Variants in ZNF407 observed in about 807,000 individuals in gnomAD.
ZNF407 encodes zinc finger protein 407.
A neutral mutation model predicts 131.2 loss-of-function variants in ZNF407; 17 were observed. The observed-to-expected ratio is 0.13, with a 90% confidence interval of 0.09 to 0.19. The LOEUF (loss-of-function observed/expected upper bound fraction) is 0.19, where lower values mean the gene tolerates loss of function less well. Ranked by LOEUF, ZNF407 falls within the 10% of genes least tolerant of loss-of-function variation. ZNF407 has a pLI of 1.00. For missense variants in ZNF407, 2,681 were observed against 2,830.6 expected (o/e 0.95, Z 1.20); for synonymous variants, 1,156 against 1,062.0 (o/e 1.09, Z -1.72).
At chr18:74,998,188 T>G (rs1247664641) in intron 8 of ZNF407, among the ~76,000 whole-genome samples, 1 of 152,230 alleles carries the variant, frequency 6.6e-6, no homozygotes, top group Middle Eastern at 3.2e-3. Context: ...ATGTTTCTTG[T>G]CAATAAGATT....
At chr18:74,876,536 T>C (rs935483627) in intron 4 of ZNF407, among the ~76,000 whole-genome samples, 2 of 152,358 alleles carry the variant, frequency 1.3e-5, no homozygotes, top group African/African-American at 4.8e-5. Flanking sequence ...AATATTATAT[T>C]GTATAAGTAC....
At chr18:74,981,121 C>A (rs2122121563) in intron 8 of ZNF407, among the ~76,000 whole-genome samples, 1 of 152,316 alleles carries the variant, frequency 6.6e-6, no homozygotes, top group South Asian at 2.1e-4. Flanking sequence ...CATTCCTGTC[C>A]ATGGGGCTCT....
intron 3 of ZNF407, among the ~76,000 whole-genome samples, chr18:74,713,358 C>CTTTTTTTTTTTTT (rs5826345): frequency 1.2e-5 from 1 of 84,480 alleles, no homozygotes; most frequent in Non-Finnish European, 2.5e-5. Context: ...ATTTTAGCAT[C>CTTTTTTTTTTTTT]TTTTTTTTTT....
rs937867787 is a variant in ZNF407, at chr18:74,634,502, C to A, written c.3483C>A (p.Asp1161Glu). The part of the protein sequence containing the change: ...ETEEESNFNE[D>E]HSFCETFQQA... ...AAGAAGAATCTAATTTCAATGAAGA[C>A]CATTCCTTTTGTGAGACTTTCCAAC... The change falls in exon 2 of 9, where the codon GAC becomes GAA. Residue 1161 changes from aspartate (D) to glutamate (E), a missense_variant. Physicochemically the swap from Asp to Glu is conservative, Grantham distance 45 (BLOSUM62 2). Transcript: ENST00000299687. 6.2e-7 allele frequency: 1 copy of A among 1,613,826 alleles called. No individual in the cohort carries two copies. The highest frequency in any genetic ancestry group is 1.7e-5 in the Admixed American group (1 of 60,016).
chr18:74,761,302 T>C (rs1323925943), intron 3 of ZNF407, among the ~76,000 whole-genome samples: 1 of 152,190 alleles, frequency 6.6e-6, no homozygotes, highest in Non-Finnish European at 1.5e-5. Flanking sequence ...GACATTTTTA[T>C]ATTTTGTGTA....
At position 74,709,127 on chromosome 18, in the gene ZNF407, A is replaced by G. The variant is rs576205944; in HGVS notation, c.4802+68005A>G. Among the ~76,000 whole-genome samples the G allele has an allele frequency of 1.7e-3, 266 of 152,356 alleles. 1 individual carries two copies. Among genetic ancestry groups the G allele is most frequent in the South Asian group, 2.5e-3 (12 of 4,828 alleles). ...ATATATTCAAATTATGATTTCTTAT[A>G]TTTTGAAATGTTTTCCAGTAAAACA... is the stretch of plus-strand genomic sequence containing the variant. On this transcript the variant is annotated intron_variant, in intron 3 of 8. Transcript: ENST00000299687.
At position 74,632,473 on chromosome 18, in the gene ZNF407, G is replaced by C; in HGVS notation, c.1454G>C (p.Ser485Thr). The change falls in exon 2 of 9, where the codon AGT (serine) becomes ACT (threonine). Residue 485 changes from serine (S) to threonine (T), a missense_variant. Transcript: ENST00000299687. ...SVLKHLEACSSVQRVCVTTSE... is the reference protein window; with the variant it reads ...SVLKHLEACSTVQRVCVTTSE... ...CTGAAACACCTGGAAGCGTGCAGCA[G>C]TGTGCAGAGAGTGTGTGTGACTACC... 1.2e-6 allele frequency: 2 copies of C among 1,614,066 alleles called. No individual in the cohort carries two copies. The highest frequency in any genetic ancestry group is 2.2e-5 in the South Asian group (2 of 91,090).
In ZNF407 at chr18:75,064,385, G is replaced by C; in HGVS notation, c.6664G>C (p.Val2222Leu). The C allele has an allele frequency of 6.4e-7, 1 of 1,569,174 alleles. No homozygotes were observed. The highest frequency in any genetic ancestry group is 1.2e-5 in the South Asian group (1 of 85,368). Reference sequence around the variant, plus strand: ...AAGCAGGGCAGAGCAGCTGGCCAGCGTGGTCATCTACACCCAGGAGGGCTC... The same window carrying C: ...AAGCAGGGCAGAGCAGCTGGCCAGCCTGGTCATCTACACCCAGGAGGGCTC... Reference protein sequence around the residue: ...APSRAEQLASVVIYTQEGSSA... With the variant: ...APSRAEQLASLVIYTQEGSSA... Residue 2222 changes from valine to leucine, a missense_variant, in exon 9 of 9, where the codon GTG becomes CTG. Physicochemically the swap from Val to Leu is conservative, Grantham distance 32 (BLOSUM62 1). Coordinates refer to ENST00000299687, the MANE Select transcript of ZNF407 (RefSeq NM_017757.3).
At chr18:74,907,577 C>T (rs532902127) in intron 7 of ZNF407, among the ~76,000 whole-genome samples, 3 of 152,254 alleles carry the variant, frequency 2.0e-5, no homozygotes, top group South Asian at 2.1e-4. Context: ...ACCATTCAGC[C>T]GGGATGTGGT....
chr18:74,945,480 G>A (rs1268692762), intron 8 of ZNF407, among the ~76,000 whole-genome samples: 1 of 152,146 alleles, frequency 6.6e-6, no homozygotes, highest in Non-Finnish European at 1.5e-5. Context: ...TTCTCAAAAA[G>A]GAGCATACAT....
At chr18:74,607,130 G>T (rs1385286086) in intron 1 of ZNF407, among the ~76,000 whole-genome samples, 1 of 152,180 alleles carries the variant, frequency 6.6e-6, no homozygotes, top group Non-Finnish European at 1.5e-5. Context: ...CTTGATTCAT[G>T]GCTGGTCTTT....
chr18:74,819,715 C>T (rs529624963), intron 4 of ZNF407, among the ~76,000 whole-genome samples: 4 of 152,306 alleles, frequency 2.6e-5, no homozygotes, highest in Admixed American at 6.5e-5. Flanking sequence ...ATCACCGAAA[C>T]GTGTAGGTGG....
chr18:74,773,585 T>G (rs1217250853), intron 3 of ZNF407, among the ~76,000 whole-genome samples: 1 of 152,176 alleles, frequency 6.6e-6, no homozygotes, highest in Non-Finnish European at 1.5e-5. Context: ...TACACTAAAG[T>G]TTTATGCGAA....
chr18:74,832,010 T>G (rs1970491890), intron 4 of ZNF407, among the ~76,000 whole-genome samples: 1 of 152,230 alleles, frequency 6.6e-6, no homozygotes, highest in Non-Finnish European at 1.5e-5. Flanking sequence ...ATTTGTAACA[T>G]GAAGCCTTGG....
intron 4 of ZNF407, among the ~76,000 whole-genome samples, chr18:74,835,744 C>T (rs1405057232): frequency 6.6e-6 from 1 of 151,694 alleles, no homozygotes; most frequent in Non-Finnish European, 1.5e-5. Context: ...TAAATTTGCT[C>T]AACCAATATT....
intron 8 of ZNF407, among the ~76,000 whole-genome samples, chr18:74,995,213 C>T (rs1453935150): frequency 4.6e-5 from 7 of 152,292 alleles, no homozygotes; most frequent in South Asian, 4.1e-4. Context: ...CAAGTGTGAA[C>T]GGCAGGGCCT....
intron 3 of ZNF407, among the ~76,000 whole-genome samples, chr18:74,672,440 T>TC: frequency 6.6e-6 from 1 of 150,776 alleles, no homozygotes; most frequent in Non-Finnish European, 1.5e-5. Context: ...TGGAGCACTG[T>TC]TTGTCTGTTC....
At chr18:74,873,064 A>G (rs376271871) in intron 4 of ZNF407, among the ~76,000 whole-genome samples, 4 of 152,146 alleles carry the variant, frequency 2.6e-5, no homozygotes, top group African/African-American at 7.2e-5. Context: ...ATATATTTTG[A>G]CATAACTTGT....
intron 8 of ZNF407, among the ~76,000 whole-genome samples, chr18:74,950,511 G>A (rs1158843526): frequency 6.6e-6 from 1 of 152,168 alleles, no homozygotes; most frequent in East Asian, 1.9e-4. Context: ...CAGGGCTGAG[G>A]TAGAAAGAAA....
Sources: allele counts gnomAD v4.1 joint callset (sites outside exome capture counted in the v4.1 genomes callset), GRCh38; gene constraint gnomAD v4.1.1; transcripts MANE v1.5; gene names NCBI Gene and HGNC (gene_info 2026-07-23, HGNC 2026-07-21).